CACNA1B: variants seen among roughly 807,000 people sequenced by gnomAD.
CACNA1B encodes voltage-dependent N-type calcium channel subunit alpha-1B.
In CACNA1B, 70 loss-of-function variants were observed where a neutral mutation model predicts 247.2. The ratio of observed to expected loss-of-function variants is 0.28; its 90% CI spans 0.23 to 0.35. The LOEUF (loss-of-function observed/expected upper bound fraction) is 0.35. CACNA1B is among the 10% of genes least tolerant of loss of function. CACNA1B has a pLI of 1.00. For synonymous variants in CACNA1B, 1,231 were observed against 1,294.4 expected, an observed-to-expected ratio of 0.95 and a Z score of 1.05; for missense variants, 2,367 against 3,197.4, an observed-to-expected ratio of 0.74 and a Z score of 6.26.
rs1956988496 is a variant in CACNA1B, at chr9:137,884,971, CTCCCA to C, written c.530+2089_530+2093del. On this transcript the variant is annotated intron_variant, in intron 3 of 46. Transcript: ENST00000371372. The stretch of plus-strand genomic sequence containing the variant: ...CTCTCCCCTCTTCCCCCCCCCCCTC[CTCCCA>C]CTTTGCCTGTCTAGCCCTTTGTCTC... Among the ~76,000 whole-genome samples, 86 of 132,484 alleles carry C rather than the reference CTCCCA, an allele frequency of 6.5e-4. 1 individual carries two copies. The highest frequency in any genetic ancestry group is 7.9e-4 in the Non-Finnish European group (49 of 62,182). 86.9% of individuals were successfully genotyped at this position (132,484 alleles called of 152,430 possible).
chr9:137,930,596 T>C (rs1037247224), intron 6 of CACNA1B, among the ~76,000 whole-genome samples: 12 of 152,210 alleles, frequency 7.9e-5, no homozygotes, highest in Admixed American at 7.9e-4. Context: ...CAGATGTTGA[T>C]TGATTCTTTT....
chr9:137,948,937 G>T (rs191679465), intron 6 of CACNA1B, among the ~76,000 whole-genome samples: 6 of 145,050 alleles, frequency 4.1e-5, no homozygotes, highest in Admixed American at 1.4e-4. Context: ...TGGTGTGTTT[G>T]TGTATGGTCT....
At chr9:137,908,217 A>G (rs1056111456) in intron 3 of CACNA1B, among the ~76,000 whole-genome samples, 2 of 152,150 alleles carry the variant, frequency 1.3e-5, no homozygotes, top group Admixed American at 6.5e-5. Context: ...GTCTTTTATT[A>G]AAAACAACTT....
chr9:138,045,930 G>T (rs1271999078), intron 21 of CACNA1B, among the ~76,000 whole-genome samples: 1 of 152,246 alleles, frequency 6.6e-6, no homozygotes, highest in East Asian at 1.9e-4. Context: ...GCTTAGAGGG[G>T]CTGGGGGCGG....
intron 26 of CACNA1B, among the ~76,000 whole-genome samples, chr9:138,056,999 G>C (rs917927494): frequency 6.8e-6 from 1 of 146,982 alleles, no homozygotes; most frequent in African/African-American, 2.5e-5. Flanking sequence ...GCAGTGGCGC[G>C]ATCTCGGCTC....
At chr9:137,949,096 G>A (rs1390993443) in intron 6 of CACNA1B, among the ~76,000 whole-genome samples, 15 of 73,500 alleles carry the variant, frequency 2.0e-4, no homozygotes, top group African/African-American at 2.4e-4. Context: ...TGTGGTGTGT[G>A]CATGTTTGTG....
At chr9:138,041,220 C>T (rs1959116982) in intron 20 of CACNA1B, among the ~76,000 whole-genome samples, 1 of 152,168 alleles carries the variant, frequency 6.6e-6, no homozygotes, top group African/African-American at 2.4e-5. Flanking sequence ...GCTTCCCCAC[C>T]TTGAAGCGAA....
intron 32 of CACNA1B, among the ~76,000 whole-genome samples, chr9:138,071,291 T>A (rs1960124372): frequency 6.6e-6 from 1 of 152,010 alleles, no homozygotes; most frequent in South Asian, 2.1e-4. Context: ...CCAACTCAGG[T>A]AGAAGTAAGG....
At chr9:137,912,991 G>A (rs868412348) in intron 3 of CACNA1B, among the ~76,000 whole-genome samples, 189 bp from the exon 4 acceptor site, 10 of 152,148 alleles carry the variant, frequency 6.6e-5, no homozygotes, top group South Asian at 2.1e-4. Flanking sequence ...CTGGCAAGCC[G>A]CTCTGTGCTG....
intron 41 of CACNA1B, among the ~76,000 whole-genome samples, chr9:138,115,184 A>G (rs561584162): frequency 6.6e-6 from 1 of 152,194 alleles, no homozygotes; most frequent in African/African-American, 2.4e-5. Context: ...CCTAACTCCT[A>G]CCAGCCAATT....
At chr9:137,965,793 C>A (rs1052542641) in intron 10 of CACNA1B, among the ~76,000 whole-genome samples, 3 of 152,092 alleles carry the variant, frequency 2.0e-5, no homozygotes, top group Admixed American at 6.5e-5. Context: ...ACCAGGTTGG[C>A]CAGGCTGGTC....
chr9:138,011,653 G>A lies in CACNA1B; in HGVS notation c.2161-1476G>A, dbSNP rs1317703975. 6.6e-6 allele frequency among the ~76,000 whole-genome samples: 1 copy of A among 152,198 alleles called. No homozygotes were observed. The highest frequency in any genetic ancestry group is 1.5e-5 in the Non-Finnish European group (1 of 68,036). ...GGCAAAGTCCCTGCCCCAGAGGGTGGGAAGCTGGATGCAGCCGGATCTGCG... is the reference window on the plus strand; with the variant it reads ...GGCAAAGTCCCTGCCCCAGAGGGTGAGAAGCTGGATGCAGCCGGATCTGCG... On this transcript the variant is annotated intron_variant, in intron 17 of 46. Transcript: ENST00000371372. The surrounding 1 kb of genome is among the most constrained non-coding windows in gnomAD (Gnocchi z 4.2).
intron 3 of CACNA1B, among the ~76,000 whole-genome samples, chr9:137,886,827 A>G (rs4876909): frequency 6.6e-6 from 1 of 152,170 alleles, no homozygotes; most frequent in Non-Finnish European, 1.5e-5. Flanking sequence ...TTCCCCACAT[A>G]TGAAATGAGA....
Position 137,881,515 on chromosome 9 carries a change from C to T in CACNA1B, c.391-1229C>T, listed in dbSNP as rs548503007. Among the ~76,000 whole-genome samples the T allele has an allele frequency of 5.3e-5, 8 of 152,274 alleles. No homozygotes were observed. Among genetic ancestry groups the T allele is most frequent in the South Asian group, 2.1e-4 (1 of 4,812 alleles). Reference sequence around the variant, plus strand: ...CCTGTGACTTCCACAGTCCTGAAGACGAACCCTCAGGGGAGGCCCTTGAAG... The same window carrying T: ...CCTGTGACTTCCACAGTCCTGAAGATGAACCCTCAGGGGAGGCCCTTGAAG... On this transcript the variant is annotated intron_variant, in intron 2 of 46. Transcript: ENST00000371372. This position sits in a 1 kb window ranked among gnomAD's most constrained non-coding sequence, Gnocchi z 4.3.
intron 6 of CACNA1B, among the ~76,000 whole-genome samples, chr9:137,946,687 T>C (rs1322259048): frequency 6.6e-6 from 1 of 152,038 alleles, no homozygotes; most frequent in Non-Finnish European, 1.5e-5. Context: ...TACCTTTCAG[T>C]CTCTCCGTAG....
rs578104247 is a variant in CACNA1B, at chr9:137,906,147, C to A, written c.531-7033C>A. Among the ~76,000 whole-genome samples the A allele has an allele frequency of 5.9e-5, 9 of 152,252 alleles. No homozygotes were observed. In the South Asian group the frequency reaches 1.9e-3, roughly 32 times the overall value. ...GATTATAGAAATGTCCAGCCTGGGT[C>A]TACACAACTTTGAATTCTTCGTCAA... On this transcript the variant is annotated intron_variant, in intron 3 of 46. Transcript: ENST00000371372.
At chr9:137,956,941 C>A in intron 9 of CACNA1B, 114 bp downstream of exon 9, 1 of 803,082 alleles carries the variant, frequency 1.2e-6, no homozygotes, top group Non-Finnish European at 2.1e-6. Flanking sequence ...GTGCCAGGCA[C>A]CTGCACAGCC....
intron 31 of CACNA1B, among the ~76,000 whole-genome samples, chr9:138,063,272 C>T (rs767779681): frequency 2.0e-5 from 3 of 152,170 alleles, no homozygotes; most frequent in Non-Finnish European, 4.4e-5. Flanking sequence ...GTAGAAAGAT[C>T]ACTTCAGCCT....
At chr9:137,920,948 T>C (rs568465702) in intron 6 of CACNA1B, among the ~76,000 whole-genome samples, 1 of 152,366 alleles carries the variant, frequency 6.6e-6, no homozygotes, top group African/African-American at 2.4e-5. Flanking sequence ...TCCAGGATTC[T>C]GTTTTGGCTC....
Sources: allele counts gnomAD v4.1 joint callset (sites outside exome capture counted in the v4.1 genomes callset), GRCh38; gene constraint gnomAD v4.1.1; non-coding constraint Gnocchi (gnomAD v3.1); transcripts MANE v1.5; gene names NCBI Gene and HGNC (gene_info 2026-07-23, HGNC 2026-07-21).